Variants in CDK6 observed in about 807,000 individuals in gnomAD.
CDK6 encodes the protein cyclin-dependent kinase 6.
In CDK6, 6 loss-of-function variants were observed where a neutral mutation model predicts 37.1. The ratio of observed to expected loss-of-function variants is 0.16; its 90% confidence interval spans 0.09 to 0.32. The LOEUF (loss-of-function observed/expected upper bound fraction) is 0.32. CDK6 is among the 10% of genes least tolerant of loss of function. CDK6 has a pLI of 1.00. For synonymous variants in CDK6, 160 were observed against 161.3 expected (o/e 0.99, Z 0.06); for missense variants, 224 against 418.9 (o/e 0.53, Z 4.06).
At chr7:92,636,573 T>C (rs142296736) in intron 5 of CDK6, among the ~76,000 whole-genome samples, 10 of 152,274 alleles carry the variant, frequency 6.6e-5, no homozygotes, top group African/African-American at 2.4e-4. Flanking sequence ...TTTATGTCAC[T>C]CATAAGAAAT....
intron 2 of CDK6, among the ~76,000 whole-genome samples, chr7:92,821,323 A>G (rs1389579303): frequency 6.6e-6 from 1 of 152,104 alleles, no homozygotes; most frequent in Non-Finnish European, 1.5e-5. Context: ...CCAGTTTTTG[A>G]GTAATTTCCA....
chr7:92,816,805 CTCTA>C (rs1404205845), intron 2 of CDK6, among the ~76,000 whole-genome samples: 1 of 151,808 alleles, frequency 6.6e-6, no homozygotes, highest in African/African-American at 2.4e-5. Context: ...ACTGACAAAA[CTCTA>C]TCTGTATGTC....
chr7:92,662,613 T>G (rs969591024), intron 5 of CDK6, among the ~76,000 whole-genome samples: 1 of 152,270 alleles, frequency 6.6e-6, no homozygotes, highest in East Asian at 1.9e-4. Context: ...TGCTTGTGTA[T>G]AGGCTGGGGG....
intron 5 of CDK6, among the ~76,000 whole-genome samples, chr7:92,655,446 T>C (rs539981588): frequency 6.6e-6 from 1 of 152,218 alleles, no homozygotes; most frequent in African/African-American, 2.4e-5. Context: ...CCTAACAGAG[T>C]GCCTTTGAAA....
At chr7:92,658,064 A>C (rs1391114731) in intron 5 of CDK6, among the ~76,000 whole-genome samples, 3 of 152,274 alleles carry the variant, frequency 2.0e-5, no homozygotes, top group African/African-American at 7.2e-5. Flanking sequence ...AAAGGTAGCA[A>C]GGCTTACATA....
At chr7:92,691,540 C>G (rs1361431767) in intron 4 of CDK6, among the ~76,000 whole-genome samples, 2 of 152,140 alleles carry the variant, frequency 1.3e-5, no homozygotes, top group Non-Finnish European at 2.9e-5. Flanking sequence ...TAAAATATTT[C>G]TTAGATTTTT....
chr7:92,705,797 G>T (rs1163644099), intron 4 of CDK6, among the ~76,000 whole-genome samples: 1 of 152,146 alleles, frequency 6.6e-6, no homozygotes, highest in African/African-American at 2.4e-5. Context: ...TGTTCTTAAA[G>T]ACTAAATTAG....
chr7:92,779,661 T>A (rs1432267677), intron 2 of CDK6, among the ~76,000 whole-genome samples: 1 of 152,178 alleles, frequency 6.6e-6, no homozygotes. Flanking sequence ...TGGCTAGCCA[T>A]CCACATCCTA....
At chr7:92,807,688 A>G (rs1415950166) in intron 2 of CDK6, among the ~76,000 whole-genome samples, 1 of 152,072 alleles carries the variant, frequency 6.6e-6, no homozygotes, top group Non-Finnish European at 1.5e-5. Context: ...ATAAATTTAA[A>G]AAGTGAAATT....
intron 5 of CDK6, among the ~76,000 whole-genome samples, chr7:92,634,562 T>C (rs1361953878): frequency 1.3e-5 from 2 of 152,206 alleles, no homozygotes; most frequent in Admixed American, 1.3e-4. Context: ...ACTGGAATTC[T>C]GACTGGAGTT....
chr7:92,742,226 CCAAGG>C (rs1295640066), intron 3 of CDK6, among the ~76,000 whole-genome samples: 9 of 152,184 alleles, frequency 5.9e-5, no homozygotes, highest in Non-Finnish European at 1.2e-4. Flanking sequence ...GGCAAAATAA[CCAAGG>C]TAAATACCCT....
intron 2 of CDK6, among the ~76,000 whole-genome samples, chr7:92,791,060 G>GA (rs967650627): frequency 5.3e-5 from 8 of 152,188 alleles, no homozygotes; most frequent in African/African-American, 1.2e-4. Context: ...GTAGTACAGG[G>GA]AAAGTAAAGA....
At chr7:92,786,076 CAGAT>C (rs1344209714) in intron 2 of CDK6, among the ~76,000 whole-genome samples, 4 of 152,178 alleles carry the variant, frequency 2.6e-5, no homozygotes, top group Admixed American at 1.3e-4. Flanking sequence ...TGGCTTAAGT[CAGAT>C]AGAGTGTGGA....
Position 92,833,724 on chromosome 7 carries a change from GCAAT to G in CDK6, c.-367-38_-367-35del, listed in dbSNP as rs1424835286. On this transcript the variant is annotated intron_variant, in intron 1 of 7. Coordinates refer to ENST00000424848, the MANE Select transcript of CDK6 (RefSeq NM_001145306.2). This position sits in a 1 kb window ranked among gnomAD's most constrained non-coding sequence, Gnocchi z 6.1. ...GGAGACGGGAGGATAAGAAGAAAGT[GCAAT>G]CAGACAGCCCAGAAGCCTTCCTCGG... 1 of 430,838 alleles carries G rather than the reference GCAAT, an allele frequency of 2.3e-6. No individual in the cohort carries two copies. Among genetic ancestry groups the G allele is most frequent in the Admixed American group, 4.3e-5 (1 of 23,378 alleles). The allele number at this position is 430,838 out of a possible 1,614,324, so 26.7% of individuals were successfully genotyped here.
Position 92,616,927 on chromosome 7 carries a change from A to T in CDK6, c.834+1145T>A, listed in dbSNP as rs778877784. 1.5e-3 allele frequency among the ~76,000 whole-genome samples: 236 copies of T among 152,346 alleles called. 2 individuals are homozygous for T. In the Middle Eastern group the frequency reaches 0.017, roughly 11 times the overall value. The stretch of plus-strand genomic sequence containing the variant: ...AAAAAAAAGGTGTTTAAGTTCTATT[A>T]TTGCTCTACTTCAGGAACAAGGTTG... On this transcript the variant is annotated intron_variant, in intron 7 of 7. Coordinates refer to ENST00000424848, the MANE Select transcript of CDK6 (RefSeq NM_001145306.2).
intron 2 of CDK6, among the ~76,000 whole-genome samples, chr7:92,831,188 C>T (rs908726017): frequency 2.6e-5 from 4 of 152,270 alleles, no homozygotes; most frequent in Admixed American, 1.3e-4. Flanking sequence ...CAGTTAGAAA[C>T]GTCTAGAAAC....
At chr7:92,743,743 G>T (rs1245887143) in intron 3 of CDK6, among the ~76,000 whole-genome samples, 1 of 152,166 alleles carries the variant, frequency 6.6e-6, no homozygotes, top group African/African-American at 2.4e-5. Flanking sequence ...AACACAAATG[G>T]TCTATCCACT....
At chr7:92,693,569 T>C (rs1430933978) in intron 4 of CDK6, among the ~76,000 whole-genome samples, 1 of 152,264 alleles carries the variant, frequency 6.6e-6, no homozygotes, top group Non-Finnish European at 1.5e-5. Flanking sequence ...TTATATACTT[T>C]AACATGTTTT....
At chr7:92,652,682 G>T (rs1796603153) in intron 5 of CDK6, among the ~76,000 whole-genome samples, 2 of 152,120 alleles carry the variant, frequency 1.3e-5, no homozygotes. Context: ...TTCCTATAGG[G>T]TCATTAACAC....
Sources: gnomAD v4.1 joint callset for allele counts (sites outside exome capture counted in the v4.1 genomes callset) on GRCh38, gnomAD v4.1.1 for gene constraint, Gnocchi (gnomAD v3.1) non-coding constraint, MANE v1.5 for transcripts, NCBI Gene and HGNC (gene_info 2026-07-23, HGNC 2026-07-21) for gene names.